The following CFAP97D2 variants were observed in gnomAD, a reference collection of about 807,000 sequenced individuals.
CFAP97D2 encodes uncharacterized protein CFAP97D2.
chr13:114,182,827 T>C lies in CFAP97D2; in HGVS notation c.90+3407T>C, dbSNP rs112525395. The stretch of plus-strand genomic sequence containing the variant: ...GGGGCAAAGCTACAAATTGACAACA[T>C]CTCAGCAAAGCAATTATTCAAAGTA... On this transcript the variant is annotated intron_variant, in intron 1 of 4. Coordinates refer to ENST00000646158, the Ensembl canonical transcript of CFAP97D2. Among the ~76,000 whole-genome samples, 864 of 152,344 alleles carry C rather than the reference T, an allele frequency of 5.7e-3. 9 individuals are homozygous for C. The highest frequency in any genetic ancestry group is 0.044 in the Middle Eastern group (13 of 294).
intron 1 of CFAP97D2, among the ~76,000 whole-genome samples, chr13:114,182,441 T>A (rs2080838352): frequency 6.6e-6 from 1 of 152,012 alleles, no homozygotes; most frequent in African/African-American, 2.4e-5. Flanking sequence ...CTATCTCAAC[T>A]GCAAGAGGCC....
intron 1 of CFAP97D2, among the ~76,000 whole-genome samples, chr13:114,188,767 A>G (rs1369854980): frequency 6.8e-6 from 1 of 148,078 alleles, no homozygotes; most frequent in African/African-American, 2.5e-5. Flanking sequence ...ACAGAGCGAG[A>G]CTCAATCTCA....
intron 1 of CFAP97D2, among the ~76,000 whole-genome samples, chr13:114,188,934 A>G (rs1370407356): frequency 2.7e-5 from 4 of 150,310 alleles, no homozygotes; most frequent in South Asian, 2.1e-4. Context: ...ATTCTTTGGG[A>G]AAAAAAATCA....
rs2080824825 is a variant in CFAP97D2 at position 114,179,393 on chromosome 13, G to A, written c.63G>A (p.Glu21=). The change falls in exon 1 of 5, where the codon GAG becomes GAA. Residue 21 remains glutamate, a synonymous_variant. Transcript: ENST00000646158. This position sits in a 1 kb window ranked among gnomAD's most constrained non-coding sequence, Gnocchi z 4.8. ...GTGAGTACCTGTGGCATGCAAGGGA[G>A]AAAGCCTATCAGGACCACAGGAGAA... is the stretch of plus-strand genomic sequence containing the variant. 4 of 398,540 alleles carry A rather than the reference G, an allele frequency of 1.0e-5. No homozygotes were observed. In the East Asian group the frequency reaches 1.4e-4, roughly 14 times the overall value. 24.7% of individuals were successfully genotyped at this position (398,540 alleles called of 1,614,324 possible). A position where few individuals can be genotyped will look rare whatever the true frequency, so the allele number is the denominator to read the frequency against.
intron 4 of CFAP97D2, among the ~76,000 whole-genome samples, chr13:114,219,057 C>T (rs139415042): frequency 0.018 from 2,667 of 152,254 alleles, 69 homozygotes; most frequent in African/African-American, 0.06. Flanking sequence ...AACTTCTGCA[C>T]AGCAAAAGAA....
chr13:114,217,709 G>C lies in CFAP97D2; in HGVS notation c.481-4789G>C, dbSNP rs373085250. On this transcript the variant is annotated intron_variant, in intron 4 of 4. Coordinates refer to ENST00000646158, the Ensembl canonical transcript of CFAP97D2. ...AGTAGGCTTCATCCCTGGGATGCAA[G>C]CCTGGTTCAACATATGCAAATCAAT... Among the ~76,000 whole-genome samples, 466 of 152,280 alleles carry C rather than the reference G, an allele frequency of 3.1e-3. 20 individuals carry two copies. In the South Asian group the frequency reaches 0.074, roughly 24 times the overall value.
Position 114,194,879 on chromosome 13 carries a change from G to A in CFAP97D2, c.91-1517G>A, listed in dbSNP as rs997690432. ...GTTCTCAAATCTTTATCTGGAGCTT[G>A]AAGAAACTTGCTTCTAGAAAGCTCT... On this transcript the variant is annotated intron_variant, in intron 1 of 4. Coordinates refer to ENST00000646158, the Ensembl canonical transcript of CFAP97D2. 3.9e-5 allele frequency among the ~76,000 whole-genome samples: 6 copies of A among 152,220 alleles called. No individual in the cohort carries two copies. In the South Asian group the frequency reaches 6.2e-4, roughly 16 times the overall value.
At chr13:114,197,622 GA>G (rs35787441) in intron 2 of CFAP97D2, among the ~76,000 whole-genome samples, 1,739 of 151,792 alleles carry the variant, frequency 0.011, 94 homozygotes, top group Admixed American at 0.08. Context: ...TGCAGTTCCA[GA>G]ATAACTAGCA....
intron 1 of CFAP97D2, among the ~76,000 whole-genome samples, chr13:114,182,622 T>C (rs563243331): frequency 0.016 from 2,387 of 152,324 alleles, 33 homozygotes; most frequent in Non-Finnish European, 0.025. Flanking sequence ...CTGCAGTGCA[T>C]TGTGCCCCTG....
chr13:114,190,001 A>G (rs9590473), intron 1 of CFAP97D2, among the ~76,000 whole-genome samples: 13,793 of 152,026 alleles, frequency 0.091, 1,013 homozygotes, highest in African/African-American at 0.2. Context: ...AAAATTAGCT[A>G]GGCGGTGGCT....
intron 1 of CFAP97D2, among the ~76,000 whole-genome samples, chr13:114,182,871 G>C (rs1043886995): frequency 4.6e-5 from 7 of 152,166 alleles, no homozygotes; most frequent in Non-Finnish European, 1.0e-4. Flanking sequence ...TTTCAGAATG[G>C]AGTCTCTTAT....
intron 1 of CFAP97D2, among the ~76,000 whole-genome samples, chr13:114,191,627 C>T (rs2080869891): frequency 6.6e-6 from 1 of 152,194 alleles, no homozygotes; most frequent in Non-Finnish European, 1.5e-5. Context: ...AACAGGAACT[C>T]ATTCATTTCT....
chr13:114,180,649 C>T (rs563353819), intron 1 of CFAP97D2, among the ~76,000 whole-genome samples: 2 of 152,150 alleles, frequency 1.3e-5, no homozygotes, highest in South Asian at 2.1e-4. Flanking sequence ...GTTCTCTGCA[C>T]GTAGAGTGTG....
In CFAP97D2 at chr13:114,190,220, A is replaced by G. The variant is rs116684309; in HGVS notation, c.91-6176A>G. The stretch of plus-strand genomic sequence containing the variant: ...CTGAGAAACTTGAAGCTTTCTCACT[A>G]AGATCAGGAACAAGGCACTCACCAC... On this transcript the variant is annotated intron_variant, in intron 1 of 4. Transcript: ENST00000646158. 2.5e-3 allele frequency among the ~76,000 whole-genome samples: 375 copies of G among 152,308 alleles called. 2 individuals are homozygous for G. The highest frequency in any genetic ancestry group is 8.8e-3 in the African/African-American group (367 of 41,558).
At chr13:114,215,533 T>C (rs1297461924) in intron 4 of CFAP97D2, 1 of 152,254 alleles carries the variant, frequency 6.6e-6, no homozygotes, top group Non-Finnish European at 1.5e-5. Context: ...TAAGTTTTCT[T>C]GATTACCTTT....
At chr13:114,180,628 C>A (rs2080828733) in intron 1 of CFAP97D2, among the ~76,000 whole-genome samples, 1 of 152,214 alleles carries the variant, frequency 6.6e-6, no homozygotes, top group South Asian at 2.1e-4. Flanking sequence ...CCACGTCCTG[C>A]CCACCACGAT....
chr13:114,214,328 T>G (rs58446376), intron 4 of CFAP97D2: 11,650 of 152,290 alleles, frequency 0.076, 806 homozygotes, highest in East Asian at 0.35. Flanking sequence ...CTACTAACTC[T>G]GAAGGCATTC....
rs1163883416 is a variant in CFAP97D2, at chr13:114,211,577, C to G, written c.291-335C>G. On this transcript the variant is annotated intron_variant, in intron 3 of 4. Coordinates refer to ENST00000646158, the Ensembl canonical transcript of CFAP97D2. The surrounding 1 kb of genome is among the most constrained non-coding windows in gnomAD (Gnocchi z 4.2). ...CCCTCCCTGCCTGGGACCCCACTCT[C>G]TCCCACTCATCTTGTCCAGCATCTG... Among the ~76,000 whole-genome samples, 1 of 152,164 alleles carries G rather than the reference C, an allele frequency of 6.6e-6. No homozygotes were observed. The highest frequency in any genetic ancestry group is 2.4e-5 in the African/African-American group (1 of 41,424).
chr13:114,188,990 G>C (rs532345910), intron 1 of CFAP97D2, among the ~76,000 whole-genome samples: 25 of 149,570 alleles, frequency 1.7e-4, no homozygotes, highest in Non-Finnish European at 8.9e-5. Context: ...AAAAAAGAAG[G>C]AGGAGGCAAA....
Sources: gnomAD v4.1 joint callset for allele counts (sites outside exome capture counted in the v4.1 genomes callset) on GRCh38, gnomAD v4.1.1 for gene constraint, Gnocchi (gnomAD v3.1) non-coding constraint, MANE v1.5 for transcripts, NCBI Gene and HGNC (gene_info 2026-07-23, HGNC 2026-07-21) for gene names.